STOX2: variants seen among roughly 807,000 people sequenced by gnomAD.
The protein encoded by STOX2 is storkhead-box protein 2.
Under a neutral mutation model 60.9 loss-of-function variants are expected in STOX2, and 28 were observed. The observed-to-expected ratio is 0.46, with a 90% CI of 0.34 to 0.63. STOX2 has a LOEUF of 0.63. Among genes scored for constraint, STOX2 ranks in the 30% least tolerant of loss-of-function variants. The probability of loss-of-function intolerance (pLI) is 0.01; values close to 1 mark genes in which losing one functional copy is unlikely to be tolerated. For missense variants in STOX2, 1,024 were observed against 1,187.7 expected (o/e 0.86, Z 2.03); for synonymous variants, 472 against 463.9 (o/e 1.02, Z -0.22).
At chr4:183,841,145 G>A (rs1319996345) in intron 1 of STOX2, among the ~76,000 whole-genome samples, 3 of 152,130 alleles carry the variant, frequency 2.0e-5, no homozygotes, top group Admixed American at 6.5e-5. Flanking sequence ...GATTACAGGC[G>A]TGTGTCACCA....
At chr4:183,817,718 C>T (rs1371782296) in intron 1 of STOX2, among the ~76,000 whole-genome samples, 1 of 152,162 alleles carries the variant, frequency 6.6e-6, no homozygotes, top group Non-Finnish European at 1.5e-5. Flanking sequence ...CTACTCTTGA[C>T]ATGAGTAGAG....
Position 183,906,859 on chromosome 4 carries a change from G to C in STOX2, c.69G>C (p.Ser23=), listed in dbSNP as rs774617929. 1 of 1,552,626 alleles carries C rather than the reference G, an allele frequency of 6.4e-7. No homozygotes were observed. Among genetic ancestry groups the C allele is most frequent in the Non-Finnish European group, 8.7e-7 (1 of 1,147,730 alleles). ...GCTCGGATTTCTCGGACCGGGCCTCGGACCGCATGAGGTCCCGCAGCGAGA... is the reference window on the plus strand; with the variant it reads ...GCTCGGATTTCTCGGACCGGGCCTCCGACCGCATGAGGTCCCGCAGCGAGA... ...WPSSDFSDRA[S]DRMRSRSEKD... is the part of the protein sequence containing the mutation. The change falls in exon 1 of 4, where the codon TCG becomes TCC. Residue 23 remains serine (S), a synonymous_variant. Transcript: ENST00000308497.
intron 1 of STOX2, among the ~76,000 whole-genome samples, chr4:183,852,316 T>G (rs1740166782): frequency 2.0e-5 from 2 of 101,656 alleles, no homozygotes; most frequent in African/African-American, 9.3e-5. Context: ...AGAGAAACGA[T>G]GAGGGAAAGG....
intron 1 of STOX2, among the ~76,000 whole-genome samples, chr4:183,850,126 G>T (rs1222251273): frequency 1.3e-5 from 2 of 151,828 alleles, no homozygotes; most frequent in African/African-American, 4.8e-5. Context: ...ACCACAGCTG[G>T]CTAATTTTTT....
intron 1 of STOX2, among the ~76,000 whole-genome samples, chr4:183,890,951 A>T (rs1278248327): frequency 1.3e-5 from 2 of 152,002 alleles, no homozygotes; most frequent in African/African-American, 2.4e-5. Flanking sequence ...CTACAAAAAA[A>T]TTTTAAAAAA....
intron 1 of STOX2, among the ~76,000 whole-genome samples, chr4:183,999,131 T>C (rs1204673554): frequency 6.6e-6 from 1 of 151,886 alleles, no homozygotes; most frequent in Non-Finnish European, 1.5e-5. Flanking sequence ...ATATGACAAA[T>C]CTTTTCTTTA....
intron 1 of STOX2, among the ~76,000 whole-genome samples, chr4:183,814,121 T>C (rs1379897239): frequency 6.6e-6 from 1 of 152,210 alleles, no homozygotes; most frequent in Non-Finnish European, 1.5e-5. Context: ...GGAAGAAAAA[T>C]TGCATATAAT....
At chr4:183,808,358 G>A (rs1483776100) in intron 1 of STOX2, among the ~76,000 whole-genome samples, 2 of 152,186 alleles carry the variant, frequency 1.3e-5, no homozygotes, top group Non-Finnish European at 2.9e-5. Flanking sequence ...TGGGTTGGTC[G>A]TGATAGGCTG....
intron 1 of STOX2, among the ~76,000 whole-genome samples, chr4:183,908,455 C>G (rs1157844866): frequency 6.6e-6 from 1 of 152,194 alleles, no homozygotes; most frequent in African/African-American, 2.4e-5. Flanking sequence ...CCACACTTCA[C>G]AGTTCCCCTT....
chr4:183,799,137 G>A (rs1169045382), intron 1 of STOX2, among the ~76,000 whole-genome samples: 11 of 152,144 alleles, frequency 7.2e-5, no homozygotes, highest in Admixed American at 3.9e-4. Flanking sequence ...TGCGTGTGAC[G>A]AATTTATAGC....
At chr4:183,988,846 G>A (rs1176332491) in intron 1 of STOX2, 1 of 152,716 alleles carries the variant, frequency 6.5e-6, no homozygotes, top group Non-Finnish European at 1.5e-5. Context: ...TATTTCAACA[G>A]TTGTTGTGTG....
chr4:184,002,017 C>T (rs72697711), intron 2 of STOX2, among the ~76,000 whole-genome samples: 2,287 of 152,300 alleles, frequency 0.015, 26 homozygotes, highest in Non-Finnish European at 0.023. Context: ...AGGCATTTGA[C>T]GCTTTCAGTG....
chr4:183,819,022 G>A (rs2111108487), intron 1 of STOX2, among the ~76,000 whole-genome samples: 1 of 151,832 alleles, frequency 6.6e-6, no homozygotes, highest in African/African-American at 2.4e-5. Flanking sequence ...CTTCCTAGAT[G>A]GGATGGCGGC....
At chr4:183,871,713 A>T (rs1483263896) in intron 1 of STOX2, among the ~76,000 whole-genome samples, 4 of 152,056 alleles carry the variant, frequency 2.6e-5, no homozygotes, top group Non-Finnish European at 5.9e-5. Context: ...GCTTGTGATT[A>T]TTCTGCCTTG....
intron 1 of STOX2, among the ~76,000 whole-genome samples, chr4:183,965,931 A>G (rs1328726117): frequency 6.6e-6 from 1 of 152,098 alleles, no homozygotes; most frequent in African/African-American, 2.4e-5. Context: ...TGGTGGTGCT[A>G]CAGTCCAAAC....
At chr4:183,922,676 A>G (rs529953792) in intron 1 of STOX2, among the ~76,000 whole-genome samples, 5 of 152,310 alleles carry the variant, frequency 3.3e-5, no homozygotes, top group African/African-American at 7.2e-5. Context: ...TTAAGGGTAC[A>G]GTTCAGTGGT....
intron 1 of STOX2, among the ~76,000 whole-genome samples, chr4:183,851,521 C>T (rs370911833): frequency 7.9e-5 from 1 of 12,708 alleles, no homozygotes; most frequent in Non-Finnish European, 1.3e-4. Context: ...ATGAGAGAAA[C>T]GATGAGGGAA....
intron 1 of STOX2, among the ~76,000 whole-genome samples, chr4:183,874,149 A>G (rs1480726794): frequency 1.3e-5 from 2 of 152,188 alleles, no homozygotes; most frequent in Admixed American, 6.5e-5. Flanking sequence ...AGCAGATGGC[A>G]AGAAACAGAT....
At chr4:183,805,274 A>G (rs951216816) in intron 1 of STOX2, among the ~76,000 whole-genome samples, 3 of 152,192 alleles carry the variant, frequency 2.0e-5, no homozygotes, top group Non-Finnish European at 4.4e-5. Flanking sequence ...TACTTAGTTT[A>G]TATATTTGTT....
Sources: gnomAD v4.1 joint callset for allele counts (sites outside exome capture counted in the v4.1 genomes callset) on GRCh38, gnomAD v4.1.1 for gene constraint, MANE v1.5 for transcripts, NCBI Gene and HGNC (gene_info 2026-07-23, HGNC 2026-07-21) for gene names.